Variants in ANKS1B observed in about 807,000 individuals in gnomAD.
ANKS1B encodes the protein ankyrin repeat and sterile alpha motif domain-containing protein 1B.
ANKS1B carries 36 observed loss-of-function variants against 148.3 expected under a neutral mutation model. The observed-to-expected ratio is 0.24, with a 90% CI of 0.19 to 0.32. The LOEUF is 0.32. Among genes scored for constraint, ANKS1B ranks in the 10% least tolerant of loss-of-function variants. The pLI, the probability that ANKS1B is intolerant of heterozygous loss-of-function variation, is 1.00. For missense variants in ANKS1B, 1,157 were observed against 1,542.6 expected (o/e 0.75, Z 4.19); for synonymous variants, 542 against 560.8 (o/e 0.97, Z 0.47).
chr12:99,052,774 A>T (rs1168665970), intron 17 of ANKS1B, among the ~76,000 whole-genome samples: 15 of 149,832 alleles, frequency 1.0e-4, no homozygotes, highest in Non-Finnish European at 1.9e-4. Flanking sequence ...AGAGACAAGG[A>T]AACATGATAG....
intron 14 of ANKS1B, among the ~76,000 whole-genome samples, chr12:99,171,405 G>T (rs1373876759): frequency 6.6e-6 from 1 of 152,146 alleles, no homozygotes; most frequent in Non-Finnish European, 1.5e-5. Flanking sequence ...AAATGAAAGG[G>T]ATTGTCATTC....
chr12:98,921,988 G>C (rs1423571237), intron 17 of ANKS1B, among the ~76,000 whole-genome samples: 3 of 152,160 alleles, frequency 2.0e-5, no homozygotes, highest in Non-Finnish European at 1.5e-5. Flanking sequence ...ATGTGAGGGC[G>C]ATCTGCCCTT....
At chr12:98,783,983 G>A (rs532241153) in intron 22 of ANKS1B, among the ~76,000 whole-genome samples, 8 of 152,324 alleles carry the variant, frequency 5.3e-5, no homozygotes, top group African/African-American at 1.4e-4. Flanking sequence ...AGAACAGGAG[G>A]AGGCACCACA....
At chr12:99,121,400 T>C (rs188119091) in intron 15 of ANKS1B, among the ~76,000 whole-genome samples, 2 of 149,438 alleles carry the variant, frequency 1.3e-5, no homozygotes, top group East Asian at 4.2e-4. Context: ...GTATCAACAT[T>C]TCTTATCAAC....
intron 17 of ANKS1B, among the ~76,000 whole-genome samples, chr12:98,857,009 A>G (rs1011623907): frequency 6.6e-6 from 1 of 152,130 alleles, no homozygotes; most frequent in Non-Finnish European, 1.5e-5. Flanking sequence ...TACAATGGAG[A>G]GGCAATGATT....
At chr12:99,647,213 GA>G (rs962210541) in intron 9 of ANKS1B, among the ~76,000 whole-genome samples, 12 of 150,162 alleles carry the variant, frequency 8.0e-5, no homozygotes, top group East Asian at 1.9e-4. Flanking sequence ...TATTCTTTAA[GA>G]AAAAAAAAGG....
intron 24 of ANKS1B, among the ~76,000 whole-genome samples, chr12:98,778,368 C>T (rs576461094): frequency 2.6e-5 from 4 of 152,170 alleles, no homozygotes; most frequent in Non-Finnish European, 2.9e-5. Flanking sequence ...CCCAGCTACT[C>T]GGGAGGCTGA....
intron 11 of ANKS1B, among the ~76,000 whole-genome samples, chr12:99,428,283 T>TAC (rs369232209): frequency 1.2e-4 from 18 of 152,102 alleles, no homozygotes; most frequent in African/African-American, 4.1e-4. Context: ...AATCAGAGCA[T>TAC]ACACAAAGTA....
intron 20 of ANKS1B, among the ~76,000 whole-genome samples, chr12:98,806,377 C>T (rs1425547620): frequency 6.6e-6 from 1 of 152,080 alleles, no homozygotes; most frequent in Non-Finnish European, 1.5e-5. Context: ...GAGGACTGCT[C>T]CCACCTACTT....
At chr12:99,164,441 T>C (rs1244620929) in intron 14 of ANKS1B, among the ~76,000 whole-genome samples, 1 of 152,076 alleles carries the variant, frequency 6.6e-6, no homozygotes, top group African/African-American at 2.4e-5. Flanking sequence ...CTTTTCTTCA[T>C]TTTTGGTACT....
At chr12:99,640,996 G>C (rs2098297694) in intron 9 of ANKS1B, among the ~76,000 whole-genome samples, 1 of 152,130 alleles carries the variant, frequency 6.6e-6, no homozygotes, top group Admixed American at 6.5e-5. Context: ...AGTCTCCCTT[G>C]AATCTTAAGC....
At chr12:99,512,072 T>C (rs745590335) in intron 9 of ANKS1B, among the ~76,000 whole-genome samples, 5 of 152,016 alleles carry the variant, frequency 3.3e-5, no homozygotes, top group Non-Finnish European at 1.5e-5. Flanking sequence ...TGGGATCTAA[T>C]TAAATTAAAA....
chr12:99,550,949 G>A (rs2097212173), intron 9 of ANKS1B, among the ~76,000 whole-genome samples: 1 of 152,122 alleles, frequency 6.6e-6, no homozygotes. Context: ...TAATTTAAGT[G>A]TTATGCTCTA....
chr12:98,895,189 G>A, intron 17 of ANKS1B: 1 of 985,134 alleles, frequency 1.0e-6, no homozygotes, highest in Non-Finnish European at 1.2e-6. Context: ...GCGCGCGGGG[G>A]CTGCAGGGCG....
chr12:98,958,761 C>T (rs973110974), intron 17 of ANKS1B, among the ~76,000 whole-genome samples: 1 of 152,146 alleles, frequency 6.6e-6, no homozygotes, highest in Non-Finnish European at 1.5e-5. Context: ...CCAGTACAGC[C>T]ACTGCTTATG....
At chr12:99,962,316 G>C (rs1484876324) in intron 1 of ANKS1B, among the ~76,000 whole-genome samples, 1 of 151,990 alleles carries the variant, frequency 6.6e-6, no homozygotes, top group South Asian at 2.1e-4. Context: ...TTCTGTTCCC[G>C]TGTTAGTTTG....
At chr12:99,292,855 A>G (rs1173816243) in intron 12 of ANKS1B, among the ~76,000 whole-genome samples, 4 of 152,242 alleles carry the variant, frequency 2.6e-5, no homozygotes, top group South Asian at 2.1e-4. Context: ...GAAACAACAG[A>G]TGCTGGAGAG....
intron 9 of ANKS1B, among the ~76,000 whole-genome samples, chr12:99,602,354 G>A (rs530287582): frequency 6.2e-4 from 95 of 152,188 alleles, no homozygotes; most frequent in African/African-American, 2.1e-3. Context: ...GGTATTGCAG[G>A]TAGGCCTCCA....
intron 9 of ANKS1B, among the ~76,000 whole-genome samples, chr12:99,573,842 A>G (rs531094058): frequency 6.6e-6 from 1 of 152,196 alleles, no homozygotes; most frequent in Non-Finnish European, 1.5e-5. Context: ...TAGTGAAGTC[A>G]ATACGTCCAC....
Sources: allele counts gnomAD v4.1 joint callset (sites outside exome capture counted in the v4.1 genomes callset), GRCh38; gene constraint gnomAD v4.1.1; transcripts MANE v1.5; gene names NCBI Gene and HGNC (gene_info 2026-07-23, HGNC 2026-07-21).